CAT: variants seen among roughly 807,000 people sequenced by gnomAD.
CAT encodes the protein epididymis secretory sperm binding protein.
In CAT, 43 loss-of-function variants were observed where a neutral mutation model predicts 59.0. The ratio of observed to expected loss-of-function variants is 0.73; its 90% CI spans 0.57 to 0.94. The LOEUF is 0.94. CAT is among the 40% of genes least tolerant of loss of function. The pLI is 0.00. For missense variants in CAT, 664 were observed against 682.9 expected (o/e 0.97, Z 0.31); for synonymous variants, 218 against 230.9 (o/e 0.94, Z 0.51).
At chr11:34,456,590 T>C in intron 7 of CAT, 75 bp from the exon 8 acceptor site, 1 of 1,331,134 alleles carries the variant, frequency 7.5e-7, no homozygotes, top group Non-Finnish European at 1.1e-6. Context: ...GTATTTGAAA[T>C]CTGGTATTTT....
Position 34,452,026 on chromosome 11 carries a change from G to A in CAT, c.350-51G>A, listed in dbSNP as rs775399535. On this transcript the variant is annotated intron_variant, in intron 3 of 12. Transcript: ENST00000241052. ...GCTTCTTTATGTCTCCAGGCTTCTT[G>A]GATGCAAAGTGCTGTGGCTTATGCT... The A allele has an allele frequency of 2.5e-6, 4 of 1,608,516 alleles. No homozygotes were observed. The African/African-American group carries it at 5.3e-5, about 21-fold the overall frequency.
At chr11:34,470,650 G>A (rs1239116222) in intron 11 of CAT, 11 of 386,482 alleles carry the variant, frequency 2.8e-5, no homozygotes, top group Non-Finnish European at 4.0e-5. Context: ...CAGGAATGGG[G>A]GACAAAGACC....
intron 6 of CAT, 116 bp downstream of exon 6, chr11:34,454,042 CA>C: frequency 1.8e-6 from 2 of 1,118,770 alleles, no homozygotes; most frequent in Non-Finnish European, 2.6e-6. Context: ...CCTCCATCCC[CA>C]AAGTTGGGAA....
At chr11:34,468,824 A>G (rs371796525) in intron 11 of CAT, among the ~76,000 whole-genome samples, 35 of 152,344 alleles carry the variant, frequency 2.3e-4, no homozygotes, top group African/African-American at 7.9e-4. Flanking sequence ...AGATGGGAGG[A>G]TCGCTTGAGC....
chr11:34,453,593 A>G (rs1315551457), intron 5 of CAT, among the ~76,000 whole-genome samples: 4 of 152,168 alleles, frequency 2.6e-5, no homozygotes, highest in Non-Finnish European at 4.4e-5. Flanking sequence ...GAGTCATAGT[A>G]TTAGTGATTT....
intron 1 of CAT, among the ~76,000 whole-genome samples, chr11:34,442,391 C>T (rs1289410827): frequency 6.6e-6 from 1 of 152,148 alleles, no homozygotes; most frequent in Non-Finnish European, 1.5e-5. Flanking sequence ...CACCTGAGGT[C>T]AGGAGTTCAA....
intron 11 of CAT, among the ~76,000 whole-genome samples, chr11:34,470,115 T>C (rs1856758506): frequency 6.6e-6 from 1 of 152,192 alleles, no homozygotes; most frequent in African/African-American, 2.4e-5. Flanking sequence ...CCACTTTAGA[T>C]AACAAATGAG....
chr11:34,447,246 A>G (rs527591229), intron 1 of CAT, among the ~76,000 whole-genome samples: 18 of 152,284 alleles, frequency 1.2e-4, no homozygotes, highest in Admixed American at 7.8e-4. Context: ...CACCCAGGGC[A>G]CTTCTATCAG....
chr11:34,463,800 G>A (rs1039068348), intron 9 of CAT, among the ~76,000 whole-genome samples: 2 of 152,162 alleles, frequency 1.3e-5, no homozygotes, highest in Admixed American at 1.3e-4. Context: ...TACATGTGCT[G>A]TACCCCTCAG....
intron 10 of CAT, among the ~76,000 whole-genome samples, chr11:34,466,116 T>C (rs1434734733): frequency 6.6e-6 from 1 of 152,186 alleles, no homozygotes; most frequent in East Asian, 1.9e-4. Context: ...GTTGAAATCC[T>C]TAAAGGGCCA....
At chr11:34,464,928 A>G (rs1029193220) in intron 10 of CAT, among the ~76,000 whole-genome samples, 1 of 151,898 alleles carries the variant, frequency 6.6e-6, no homozygotes, top group South Asian at 2.1e-4. Context: ...TGACTTGGCT[A>G]ATCTTTTCAC....
In CAT at chr11:34,453,212, C is replaced by T; in HGVS notation, c.585+18C>T. On this transcript the variant is annotated intron_variant, in intron 5 of 12. Coordinates refer to ENST00000241052, the MANE Select transcript of CAT (RefSeq NM_001752.4). Reference sequence around the variant, plus strand: ...TGCATCAGGTATGAACCCTTTTTTGCCATTGTATTATATCACCTGGGATGC... The same window carrying T: ...TGCATCAGGTATGAACCCTTTTTTGTCATTGTATTATATCACCTGGGATGC... 1.4e-6 allele frequency: 2 copies of T among 1,434,048 alleles called. No homozygotes were observed. The highest frequency in any genetic ancestry group is 2.0e-6 in the Non-Finnish European group (2 of 1,015,874). 88.8% of individuals were successfully genotyped at this position (1,434,048 alleles called of 1,614,324 possible).
In CAT at chr11:34,438,941, A is replaced by G; in HGVS notation, c.-73A>G. 1 of 1,334,370 alleles carries G rather than the reference A, an allele frequency of 7.5e-7. No individual in the cohort carries two copies. The highest frequency in any genetic ancestry group is 1.1e-6 in the Non-Finnish European group (1 of 948,820). The allele number at this position is 1,334,370 out of a possible 1,614,324, so 82.7% of individuals were successfully genotyped here. On this transcript the variant is annotated 5_prime_UTR_variant, in exon 1 of 13. Transcript: ENST00000241052. ...TCGCCACGGACTCGGGGCAACAGGC[A>G]GATTTGCCTGCTGAGGGTGGAGACC...
chr11:34,438,956 G>C lies in CAT; in HGVS notation c.-58G>C. ...GGCAACAGGCAGATTTGCCTGCTGA[G>C]GGTGGAGACCCACGAGCCGAGGCCT... is the stretch of plus-strand genomic sequence containing the variant. On this transcript the variant is annotated 5_prime_UTR_variant, in exon 1 of 13. Transcript: ENST00000241052. The C allele has an allele frequency of 2.1e-6, 3 of 1,459,416 alleles. No homozygotes were observed. The highest frequency in any genetic ancestry group is 2.5e-5 in the East Asian group (1 of 40,636). 90.4% of individuals were successfully genotyped at this position (1,459,416 alleles called of 1,614,324 possible). A position where few individuals can be genotyped will look rare whatever the true frequency, so the allele number is the denominator to read the frequency against.
intron 8 of CAT, 57 bp from the exon 9 acceptor site, chr11:34,461,194 A>G: frequency 3.2e-6 from 5 of 1,580,642 alleles, no homozygotes; most frequent in Non-Finnish European, 3.5e-6. Flanking sequence ...TTTACAGCCC[A>G]TTCCTATGTT....
intron 6 of CAT, 62 bp from the exon 7 acceptor site, chr11:34,455,949 G>A: frequency 7.1e-7 from 1 of 1,405,668 alleles, no homozygotes; most frequent in Non-Finnish European, 1.0e-6. Flanking sequence ...ATGAATTACT[G>A]ATGAAATTTT....
chr11:34,462,596 T>G (rs1856663617), intron 9 of CAT, among the ~76,000 whole-genome samples: 1 of 152,118 alleles, frequency 6.6e-6, no homozygotes, highest in African/African-American at 2.4e-5. Context: ...CTAATTTTTG[T>G]ATTTTTAGTA....
At chr11:34,445,510 A>AAG (rs1856441081) in intron 1 of CAT, among the ~76,000 whole-genome samples, 1 of 150,244 alleles carries the variant, frequency 6.7e-6, no homozygotes, top group African/African-American at 2.4e-5. Context: ...AAAAAAAAAA[A>AAG]AAAAAAAAAA....
Position 34,460,448 on chromosome 11 carries a change from T to TTTA in CAT, c.1057-801_1057-800insATT, listed in dbSNP as rs1856636995. Among the ~76,000 whole-genome samples the TTTA allele has an allele frequency of 1.3e-4, 14 of 104,338 alleles. No homozygotes were observed. The Admixed American group carries it at 1.4e-3, about 11-fold the overall frequency. The allele number at this position is 104,338 out of a possible 152,430, so 68.4% of individuals were successfully genotyped here. A position where few individuals can be genotyped will look rare whatever the true frequency, so the allele number is the denominator to read the frequency against. ...AGGCAGCATGGGAGTGGGCGGTACT[T>TTTA]TTTTTTTTTTTTTTTTTTTTTTTCT... is the stretch of plus-strand genomic sequence containing the variant. On this transcript the variant is annotated intron_variant, in intron 8 of 12. Transcript: ENST00000241052.
Sources: allele counts gnomAD v4.1 joint callset (sites outside exome capture counted in the v4.1 genomes callset), GRCh38; gene constraint gnomAD v4.1.1; transcripts MANE v1.5; gene names NCBI Gene and HGNC (gene_info 2026-07-23, HGNC 2026-07-21).